The following EXOSC8 variants were observed in gnomAD, a reference collection of about 807,000 sequenced individuals.
EXOSC8 encodes exosome complex component RRP43.
EXOSC8 carries 37 observed loss-of-function variants against 39.9 expected under a neutral mutation model. The ratio of observed to expected loss-of-function variants is 0.93; its 90% CI spans 0.71 to 1.22. EXOSC8 has a LOEUF of 1.22. Among genes scored for constraint, EXOSC8 ranks in the 50% most tolerant of loss-of-function variants. The pLI, the probability that EXOSC8 is intolerant of heterozygous loss-of-function variation, is 0.00. For missense variants in EXOSC8, 313 were observed against 326.6 expected (o/e 0.96, Z 0.32); for synonymous variants, 93 against 109.5 (o/e 0.85, Z 0.94).
intron 8 of EXOSC8, 40 bp from the exon 9 acceptor site, chr13:37,008,017 C>A: frequency 6.9e-7 from 1 of 1,439,984 alleles, no homozygotes; most frequent in Non-Finnish European, 9.5e-7. Context: ...TCATTTGTTT[C>A]TTAGAGACTT....
intron 4 of EXOSC8, 129 bp from the exon 5 acceptor site, chr13:37,004,387 T>A: frequency 1.5e-6 from 1 of 647,018 alleles, no homozygotes; most frequent in African/African-American, 1.8e-5. Flanking sequence ...TCAGCACCAA[T>A]GTCCGTAGAG....
chr13:37,008,433 A>G lies in EXOSC8; in HGVS notation c.608+256A>G, dbSNP rs559802519. On this transcript the variant is annotated intron_variant, in intron 9 of 10. Transcript: ENST00000389704. Reference sequence around the variant, plus strand: ...AGATTTATCTGAAGCTATCTTCAATATTTTCCAAGGATTTTAGCACGTTCA... The same window carrying G: ...AGATTTATCTGAAGCTATCTTCAATGTTTTCCAAGGATTTTAGCACGTTCA... Among the ~76,000 whole-genome samples the G allele has an allele frequency of 2.0e-5, 3 of 152,280 alleles. 1 individual carries two copies. In the South Asian group the frequency reaches 6.2e-4, roughly 32 times the overall value.
intron 1 of EXOSC8, 91 bp downstream of exon 1, chr13:37,000,913 C>T (rs889154099): frequency 2.9e-6 from 4 of 1,391,770 alleles, no homozygotes; most frequent in Non-Finnish European, 3.8e-6. Flanking sequence ...ACCTGGAGGC[C>T]GACCCCGTTG....
intron 3 of EXOSC8, 64 bp downstream of exon 3, chr13:37,002,615 A>G (rs2059114041): frequency 1.7e-6 from 2 of 1,149,616 alleles, no homozygotes; most frequent in Non-Finnish European, 2.5e-6. Flanking sequence ...TGAACCAGCC[A>G]AACAGTTTTT....
Position 37,008,003 on chromosome 13 carries a change from G to C in EXOSC8, c.488-54G>C. 6 of 1,313,624 alleles carry C rather than the reference G, an allele frequency of 4.6e-6. 1 individual carries two copies. The Middle Eastern group carries it at 1.1e-3, about 242-fold the overall frequency. The allele number at this position is 1,313,624 out of a possible 1,614,324, so 81.4% of individuals were successfully genotyped here. On this transcript the variant is annotated intron_variant, in intron 8 of 10. Coordinates refer to ENST00000389704, the MANE Select transcript of EXOSC8 (RefSeq NM_181503.3). ...GGTGAATTAAAAAAAAAAAAGCTTA[G>C]AAATCATTTGTTTCTTAGAGACTTA...
chr13:37,007,764 C>A (rs1381769903), intron 8 of EXOSC8, among the ~76,000 whole-genome samples: 2 of 151,378 alleles, frequency 1.3e-5, no homozygotes, highest in Non-Finnish European at 2.9e-5. Context: ...TAGGTGAATA[C>A]AATGAAAATA....
At chr13:37,002,856 A>T in intron 3 of EXOSC8, 78 bp from the exon 4 acceptor site, 1 of 968,000 alleles carries the variant, frequency 1.0e-6, no homozygotes, top group South Asian at 1.3e-5. Context: ...AAACTAAAAC[A>T]CTTAATTTTA....
At position 37,002,531 on chromosome 13, in the gene EXOSC8, G is replaced by A; in HGVS notation, c.98G>A (p.Arg33Lys). 1 of 1,592,528 alleles carries A rather than the reference G, an allele frequency of 6.3e-7. No homozygotes were observed. Among genetic ancestry groups the A allele is most frequent in the South Asian group, 1.2e-5 (1 of 86,488 alleles). ...GATGGAAGAGAACTTGGTGAATTCA[G>A]AACCACAACTGTCAACATCGGTAAG... is the stretch of plus-strand genomic sequence containing the variant. ...RPDGRELGEFRTTTVNIGSIS... is the reference protein window; with the variant it reads ...RPDGRELGEFKTTTVNIGSIS... The change falls in exon 3 of 11, where the codon AGA (arginine) becomes AAA (lysine). Residue 33 changes from arginine (R) to lysine (K), a missense_variant. Arg to Lys is a conservative substitution (Grantham distance 26). Coordinates refer to ENST00000389704, the MANE Select transcript of EXOSC8 (RefSeq NM_181503.3).
In EXOSC8 at chr13:37,006,967, T is replaced by G; in HGVS notation, c.391-8T>G. 6.3e-7 allele frequency: 1 copy of G among 1,574,872 alleles called. No individual in the cohort carries two copies. Among genetic ancestry groups the G allele is most frequent in the Non-Finnish European group, 8.7e-7 (1 of 1,144,322 alleles). On this transcript the variant is annotated splice_region_variant and splice_polypyrimidine_tract_variant and intron_variant, in intron 7 of 10. Transcript: ENST00000389704. Reference sequence around the variant, plus strand: ...TTTAATTTCCTTTTGTGTTTAATTCTATTTTAGCTTGTCTGGGTTCTATAC... The same window carrying G: ...TTTAATTTCCTTTTGTGTTTAATTCGATTTTAGCTTGTCTGGGTTCTATAC...
At position 37,003,014 on chromosome 13, in the gene EXOSC8, C is replaced by G; in HGVS notation, c.192+7C>G. 6.6e-7 allele frequency: 1 copy of G among 1,512,610 alleles called. No individual in the cohort carries two copies. Among genetic ancestry groups the G allele is most frequent in the Non-Finnish European group, 9.2e-7 (1 of 1,088,186 alleles). The allele number at this position is 1,512,610 out of a possible 1,614,324, so 93.7% of individuals were successfully genotyped here. On this transcript the variant is annotated splice_region_variant and intron_variant, in intron 4 of 10. Transcript: ENST00000389704. ...AATCTGTGGAGTTAAAGCAGTAAGT[C>G]TAAATATGTCCTATTGAGATTTGAG...
At chr13:37,004,459 G>A in intron 4 of EXOSC8, 57 bp from the exon 5 acceptor site, 1 of 1,229,840 alleles carries the variant, frequency 8.1e-7, no homozygotes, top group South Asian at 1.2e-5. Context: ...TTGCTAAATT[G>A]TCTTCATAAT....
chr13:37,007,323 G>A (rs1049448796), intron 8 of EXOSC8, among the ~76,000 whole-genome samples: 1 of 152,188 alleles, frequency 6.6e-6, no homozygotes, highest in Non-Finnish European at 1.5e-5. Flanking sequence ...GGTGGGAGAA[G>A]GAGACAAGAG....
chr13:37,003,040 T>TGA (rs1379907747), intron 4 of EXOSC8, 33 bp downstream of exon 4: 2 of 1,277,192 alleles, frequency 1.6e-6, no homozygotes, highest in Non-Finnish European at 1.1e-6. Context: ...GAGATTTGAG[T>TGA]TACAAAGTTA....
chr13:37,007,131 A>G, intron 8 of EXOSC8, 60 bp downstream of exon 8: 1 of 1,078,494 alleles, frequency 9.3e-7, no homozygotes, highest in Non-Finnish European at 1.4e-6. Flanking sequence ...TTGTTTTGTG[A>G]AACTTTTAAT....
chr13:37,003,513 T>C (rs951296102), intron 4 of EXOSC8: 1 of 154,370 alleles, frequency 6.5e-6, no homozygotes, highest in Admixed American at 6.5e-5. Context: ...CAGTAACCTG[T>C]CCAGGTACAT....
intron 5 of EXOSC8, 109 bp from the exon 6 acceptor site, chr13:37,005,811 C>T: frequency 6.8e-6 from 4 of 585,216 alleles, no homozygotes; most frequent in Non-Finnish European, 1.2e-5. Context: ...TTGCAGTAAG[C>T]TGAGATCGCA....
At chr13:37,000,858 C>T (rs779796485) in intron 1 of EXOSC8, 36 bp downstream of exon 1, 7 of 1,489,186 alleles carry the variant, frequency 4.7e-6, no homozygotes, top group Non-Finnish European at 6.3e-6. Flanking sequence ...AGTTCTGTAC[C>T]CTGGCGGACG....
At chr13:37,003,245 T>A (rs971378902) in intron 4 of EXOSC8, 11 of 440,494 alleles carry the variant, frequency 2.5e-5, no homozygotes, top group South Asian at 1.4e-4. Context: ...GTCACCATTT[T>A]AAAAAAATTG....
rs759737867 is a variant in EXOSC8 at position 37,000,835 on chromosome 13, G to C, written c.17+13G>C. On this transcript the variant is annotated intron_variant, in intron 1 of 10. Transcript: ENST00000389704. Reference sequence around the variant, plus strand: ...CGGCTGGGTTCAAGTGAGTGTTGGCGGGTGGCGGGTAGAGTTCTGTACCCT... The same window carrying C: ...CGGCTGGGTTCAAGTGAGTGTTGGCCGGTGGCGGGTAGAGTTCTGTACCCT... 2.9e-5 allele frequency: 46 copies of C among 1,565,620 alleles called. No homozygotes were observed. In the South Asian group the frequency reaches 4.1e-4, roughly 14 times the overall value.
Sources: allele counts gnomAD v4.1 joint callset (sites outside exome capture counted in the v4.1 genomes callset), GRCh38; gene constraint gnomAD v4.1.1; transcripts MANE v1.5; gene names NCBI Gene and HGNC (gene_info 2026-07-23, HGNC 2026-07-21).